BARX2: variants seen among roughly 807,000 people sequenced by gnomAD.
BARX2 encodes the protein homeobox protein BarH-like 2.
A neutral mutation model predicts 25.5 loss-of-function variants in BARX2; 11 were observed. The observed-to-expected ratio is 0.43, with a 90% CI of 0.27 to 0.71. The LOEUF is 0.71. BARX2 is among the 30% of genes least tolerant of loss of function. BARX2 has a pLI of 0.19. For missense variants in BARX2, 360 were observed against 359.9 expected (o/e 1.00, Z 0.00); for synonymous variants, 137 against 149.5 (o/e 0.92, Z 0.61).
At chr11:129,447,693 T>C (rs966667456) in intron 3 of BARX2, among the ~76,000 whole-genome samples, 1 of 152,026 alleles carries the variant, frequency 6.6e-6, no homozygotes, top group Non-Finnish European at 1.5e-5. Flanking sequence ...TTTCATGCAG[T>C]AGGAAAACAG....
chr11:129,379,341 A>G (rs768155843), intron 1 of BARX2, among the ~76,000 whole-genome samples: 3 of 152,222 alleles, frequency 2.0e-5, no homozygotes, highest in Non-Finnish European at 4.4e-5. Flanking sequence ...GTATATAAAA[A>G]GTTGGTTTTA....
Position 129,451,456 on chromosome 11 carries a change from G to A in BARX2, c.*54G>A. ...ACTGGGGAGAAGGGAAAAGAGAGAA[G>A]GCAGGGAGAGTAGGGAGAGAAAACC... On this transcript the variant is annotated 3_prime_UTR_variant, in exon 4 of 4. Coordinates refer to ENST00000281437, the MANE Select transcript of BARX2 (RefSeq NM_003658.5). 6 of 1,574,166 alleles carry A rather than the reference G, an allele frequency of 3.8e-6. No homozygotes were observed. The South Asian group carries it at 7.0e-5, about 18-fold the overall frequency.
intron 1 of BARX2, among the ~76,000 whole-genome samples, chr11:129,386,159 G>A (rs1397494490): frequency 6.6e-6 from 1 of 152,200 alleles, no homozygotes; most frequent in East Asian, 1.9e-4. Flanking sequence ...TGCTCTTGAA[G>A]GATGACTAGT....
intron 3 of BARX2, among the ~76,000 whole-genome samples, chr11:129,445,007 TAAAAA>T (rs1343418838): frequency 6.7e-6 from 1 of 148,600 alleles, no homozygotes; most frequent in African/African-American, 2.6e-5. Context: ...TCTCAAAAAA[TAAAAA>T]TAAAATAAAT....
intron 3 of BARX2, among the ~76,000 whole-genome samples, chr11:129,449,587 T>A (rs1862372110): frequency 6.6e-6 from 1 of 152,166 alleles, no homozygotes; most frequent in Non-Finnish European, 1.5e-5. Flanking sequence ...TAAATATTTT[T>A]AAAATTATCC....
chr11:129,386,629 C>A (rs1235713306), intron 1 of BARX2, among the ~76,000 whole-genome samples: 1 of 152,178 alleles, frequency 6.6e-6, no homozygotes, highest in African/African-American at 2.4e-5. Flanking sequence ...TAAACCTGGA[C>A]CACATTTTAC....
At chr11:129,382,478 C>T (rs980930022) in intron 1 of BARX2, among the ~76,000 whole-genome samples, 7 of 152,184 alleles carry the variant, frequency 4.6e-5, no homozygotes, top group South Asian at 2.1e-4. Context: ...TGCACCCAGC[C>T]GAGGCCTCTT....
intron 1 of BARX2, among the ~76,000 whole-genome samples, chr11:129,394,763 A>G (rs999620798): frequency 6.6e-6 from 1 of 152,208 alleles, no homozygotes; most frequent in Non-Finnish European, 1.5e-5. Flanking sequence ...ATTGCATTAT[A>G]TAGGTAAAAT....
chr11:129,398,774 A>G (rs1391990326), intron 1 of BARX2, among the ~76,000 whole-genome samples: 2 of 152,238 alleles, frequency 1.3e-5, no homozygotes, highest in Non-Finnish European at 2.9e-5. Flanking sequence ...CACTTTGTGT[A>G]GAACACAGTT....
chr11:129,417,178 G>A (rs571200887), intron 1 of BARX2, among the ~76,000 whole-genome samples: 1 of 152,148 alleles, frequency 6.6e-6, no homozygotes, highest in African/African-American at 2.4e-5. Flanking sequence ...TGGGACTACA[G>A]GTGTGAGCCA....
chr11:129,401,683 C>T (rs74968169), intron 1 of BARX2, among the ~76,000 whole-genome samples: 5,389 of 152,202 alleles, frequency 0.035, 311 homozygotes, highest in African/African-American at 0.12. Context: ...AAGCCGGGCA[C>T]GGTGGCTCAC....
intron 1 of BARX2, among the ~76,000 whole-genome samples, chr11:129,381,739 A>G (rs1382188411): frequency 6.6e-6 from 1 of 152,212 alleles, no homozygotes; most frequent in Non-Finnish European, 1.5e-5. Flanking sequence ...CCAAAAATCT[A>G]TATGAAAAGG....
chr11:129,384,704 C>G (rs1363006276), intron 1 of BARX2, among the ~76,000 whole-genome samples: 4 of 152,194 alleles, frequency 2.6e-5, no homozygotes, highest in African/African-American at 9.6e-5. Context: ...ACTCCTTTTT[C>G]TGAGTCTTAC....
intron 1 of BARX2, among the ~76,000 whole-genome samples, chr11:129,419,664 G>T (rs1861981731): frequency 6.6e-6 from 1 of 152,100 alleles, no homozygotes; most frequent in Non-Finnish European, 1.5e-5. Context: ...CTTGAGACTT[G>T]TGGGGGAATC....
At chr11:129,402,667 C>T (rs968406145) in intron 1 of BARX2, among the ~76,000 whole-genome samples, 2 of 152,198 alleles carry the variant, frequency 1.3e-5, no homozygotes, top group African/African-American at 4.8e-5. Flanking sequence ...TTTGTAAATA[C>T]TGGGGAGACT....
chr11:129,391,460 A>G (rs952402892), intron 1 of BARX2, among the ~76,000 whole-genome samples: 1 of 152,178 alleles, frequency 6.6e-6, no homozygotes, highest in Admixed American at 6.5e-5. Flanking sequence ...CTGGCCCTTT[A>G]CAAGGAAGGT....
intron 1 of BARX2, among the ~76,000 whole-genome samples, chr11:129,423,860 C>CTT (rs111828730): frequency 1.0e-4 from 15 of 143,012 alleles, no homozygotes; most frequent in East Asian, 4.0e-4. Context: ...TCTCTCTCTC[C>CTT]TTTTTTTTTT....
intron 1 of BARX2, among the ~76,000 whole-genome samples, chr11:129,382,711 T>C (rs572102364): frequency 2.0e-5 from 3 of 152,258 alleles, no homozygotes; most frequent in Admixed American, 2.0e-4. Context: ...GCAGTTCTGT[T>C]TTACACTCCA....
intron 1 of BARX2, among the ~76,000 whole-genome samples, chr11:129,423,449 A>G (rs1479283048): frequency 2.0e-5 from 3 of 152,016 alleles, no homozygotes; most frequent in Admixed American, 6.5e-5. Flanking sequence ...ATTTTTTTGC[A>G]TGTAATCAGG....
Sources: allele counts gnomAD v4.1 joint callset (sites outside exome capture counted in the v4.1 genomes callset), GRCh38; gene constraint gnomAD v4.1.1; transcripts MANE v1.5; gene names NCBI Gene and HGNC (gene_info 2026-07-23, HGNC 2026-07-21).